The following TENM3 variants were observed in gnomAD, a reference collection of about 807,000 sequenced individuals.
TENM3 encodes the protein teneurin-3.
Under a neutral mutation model 255.1 loss-of-function variants are expected in TENM3, and 63 were observed. The ratio of observed to expected loss-of-function variants is 0.25; its 90% CI spans 0.20 to 0.30. TENM3 has a LOEUF of 0.30. Ranked by LOEUF, TENM3 falls within the 10% of genes least tolerant of loss-of-function variation. TENM3 has a pLI of 1.00. For synonymous variants in TENM3, 1,306 were observed against 1,322.3 expected (o/e 0.99, Z 0.27); for missense variants, 2,929 against 3,461.1 (o/e 0.85, Z 3.86).
intron 3 of TENM3, among the ~76,000 whole-genome samples, chr4:182,539,186 G>A (rs1740623864): frequency 6.6e-6 from 1 of 151,086 alleles, no homozygotes; most frequent in Non-Finnish European, 1.5e-5. Flanking sequence ...CAAGCAGAAG[G>A]GCATGGAGGA....
chr4:182,039,560 GA>G, the TENM3 span, among the ~76,000 whole-genome samples: 1 of 152,100 alleles, frequency 6.6e-6, no homozygotes, highest in East Asian at 1.9e-4. Context: ...GAAAAAATCA[GA>G]AGAATTAATG....
chr4:182,564,777 T>G (rs139226930), intron 3 of TENM3, among the ~76,000 whole-genome samples: 1 of 152,328 alleles, frequency 6.6e-6, no homozygotes, highest in African/African-American at 2.4e-5. Flanking sequence ...TGATCTGCAG[T>G]AACTCCTGCA....
chr4:182,714,924 G>A (rs36008980), intron 13 of TENM3, among the ~76,000 whole-genome samples: 14,182 of 152,194 alleles, frequency 0.093, 950 homozygotes, highest in Admixed American at 0.13. Context: ...CGCTCTTGTT[G>A]CCCAGGCTGG....
At chr4:181,647,203 A>C in the TENM3 span, among the ~76,000 whole-genome samples, 28 of 152,334 alleles carry the variant, frequency 1.8e-4, no homozygotes, top group Non-Finnish European at 1.6e-4. Flanking sequence ...CTTCACAGAT[A>C]AATTTTTACG....
chr4:182,404,297 G>C (rs1329022603), intron 3 of TENM3, among the ~76,000 whole-genome samples: 1 of 152,172 alleles, frequency 6.6e-6, no homozygotes, highest in Non-Finnish European at 1.5e-5. Context: ...TTAACAGAAA[G>C]TATTCAATCT....
chr4:182,543,305 T>C (rs1741086198), intron 3 of TENM3, among the ~76,000 whole-genome samples: 1 of 152,020 alleles, frequency 6.6e-6, no homozygotes, highest in African/African-American at 2.4e-5. Flanking sequence ...CACTACAGAG[T>C]GTATTTATTT....
chr4:181,584,245 T>A, the TENM3 span, among the ~76,000 whole-genome samples: 1 of 152,152 alleles, frequency 6.6e-6, no homozygotes, highest in Non-Finnish European at 1.5e-5. Context: ...GAGTGGCCCT[T>A]CTTTCCCTCA....
At chr4:182,533,900 C>T (rs1384465227) in intron 3 of TENM3, among the ~76,000 whole-genome samples, 1 of 151,644 alleles carries the variant, frequency 6.6e-6, no homozygotes, top group Non-Finnish European at 1.5e-5. Context: ...CAGAGCAAGA[C>T]TCCATCTCCA....
At chr4:182,270,049 T>C (rs1037541639) in intron 1 of TENM3, among the ~76,000 whole-genome samples, 5 of 152,188 alleles carry the variant, frequency 3.3e-5, no homozygotes, top group African/African-American at 1.2e-4. Flanking sequence ...TTGAAAGAGT[T>C]AAGCTTTGTC....
intron 1 of TENM3, among the ~76,000 whole-genome samples, chr4:182,208,283 G>T (rs995263628): frequency 2.0e-5 from 3 of 152,108 alleles, no homozygotes; most frequent in African/African-American, 4.8e-5. Context: ...ACCTTAACAC[G>T]TCAGTTTCTA....
chr4:182,353,176 T>C (rs767232597), intron 3 of TENM3, among the ~76,000 whole-genome samples: 1 of 152,222 alleles, frequency 6.6e-6, no homozygotes, highest in African/African-American at 2.4e-5. Flanking sequence ...ATTATTCCAT[T>C]CCTTCAGCTT....
In TENM3 at chr4:182,405,437, G is replaced by A. The variant is rs965584150; in HGVS notation, c.511+58508G>A. ...CGGGAATAGATTGGATGCATGTTGA[G>A]TGTATGGAACTATGCTAGACACTAA... On this transcript the variant is annotated intron_variant, in intron 3 of 27. Transcript: ENST00000511685. 3.3e-5 allele frequency among the ~76,000 whole-genome samples: 5 copies of A among 152,208 alleles called. No individual in the cohort carries two copies. In the South Asian group the frequency reaches 6.2e-4, roughly 19 times the overall value.
rs369631534 is a variant in TENM3, at chr4:182,792,547, A to G, written c.5875A>G (p.Ile1959Val). The change falls in exon 26 of 28, where the codon ATT (isoleucine) becomes GTT (valine). Residue 1959 changes from isoleucine to valine, a missense_variant. Physicochemically the swap from Ile to Val is conservative, Grantham distance 29. Coordinates refer to ENST00000511685, the MANE Select transcript of TENM3 (RefSeq NM_001080477.4). This position sits in a 1 kb window ranked among gnomAD's most constrained non-coding sequence, Gnocchi z 6.3. ...CAGAAGGCAGACTAGGCTCTCAGAA[A>G]TTTTATATGATAGCACAAGAGTCAG... ...KYRRQTRLSE[I>V]LYDSTRVSFT... The G allele has an allele frequency of 1.1e-5, 17 of 1,613,918 alleles. No homozygotes were observed. The African/African-American group carries it at 2.1e-4, about 20-fold the overall frequency.
chr4:182,667,961 AC>A (rs1754858945), intron 6 of TENM3, among the ~76,000 whole-genome samples: 1 of 134,110 alleles, frequency 7.5e-6, no homozygotes, highest in Non-Finnish European at 1.7e-5. Flanking sequence ...ATACATAAAT[AC>A]ATTAATTAAT....
intron 9 of TENM3, 38 bp from the exon 10 acceptor site, chr4:182,680,505 G>C: frequency 1.2e-6 from 2 of 1,606,412 alleles, no homozygotes; most frequent in Non-Finnish European, 1.7e-6. Flanking sequence ...TCGGTGGAAA[G>C]TGTGGCTGTA....
the TENM3 span, among the ~76,000 whole-genome samples, chr4:181,954,002 T>A: frequency 6.6e-6 from 1 of 152,218 alleles, no homozygotes; most frequent in Non-Finnish European, 1.5e-5. Context: ...AAGGCACAAC[T>A]AGCGGCTTCT....
At chr4:181,626,183 A>G in the TENM3 span, among the ~76,000 whole-genome samples, 1 of 152,174 alleles carries the variant, frequency 6.6e-6, no homozygotes. Flanking sequence ...CTAGGCTGGA[A>G]GAAGGCTGCG....
intron 5 of TENM3, among the ~76,000 whole-genome samples, chr4:182,638,212 A>T (rs1467000736): frequency 6.6e-6 from 1 of 152,150 alleles, no homozygotes; most frequent in East Asian, 1.9e-4. Context: ...GATAACGTAC[A>T]TGCATGCTTT....
At chr4:182,480,297 G>A (rs1449604435) in intron 3 of TENM3, among the ~76,000 whole-genome samples, 2 of 152,016 alleles carry the variant, frequency 1.3e-5, no homozygotes, top group African/African-American at 4.8e-5. Flanking sequence ...GAATTTTACA[G>A]TAATTTAGCA....
Sources: allele counts gnomAD v4.1 joint callset (sites outside exome capture counted in the v4.1 genomes callset), GRCh38; gene constraint gnomAD v4.1.1; non-coding constraint Gnocchi (gnomAD v3.1); transcripts MANE v1.5; gene names NCBI Gene and HGNC (gene_info 2026-07-23, HGNC 2026-07-21).